GRM8: variants seen among roughly 807,000 people sequenced by gnomAD.
GRM8 encodes the protein metabotropic glutamate receptor 8.
A neutral mutation model predicts 87.2 loss-of-function variants in GRM8; 47 were observed. That is an observed-to-expected ratio of 0.54 (90% CI 0.43 to 0.69). GRM8 has a LOEUF of 0.69. Among genes scored for constraint, GRM8 ranks in the 30% least tolerant of loss-of-function variants. GRM8 has a pLI of 0.00. For synonymous variants in GRM8, 396 were observed against 404.5 expected (o/e 0.98, Z 0.25); for missense variants, 1,019 against 1,139.2 (o/e 0.89, Z 1.52).
chr7:127,182,695 A>G (rs1430093265), intron 2 of GRM8, among the ~76,000 whole-genome samples: 7 of 149,884 alleles, frequency 4.7e-5, no homozygotes, highest in African/African-American at 1.5e-4. Context: ...AGACAGATAT[A>G]TGATGGAATA....
At chr7:126,816,732 T>TTGTG (rs3038866) in intron 6 of GRM8, among the ~76,000 whole-genome samples, 2,499 of 145,918 alleles carry the variant, frequency 0.017, 55 homozygotes, top group African/African-American at 0.043. Context: ...GTATATGATT[T>TTGTG]TGTGTGTGTG....
chr7:126,783,173 T>C (rs1201678469), intron 6 of GRM8, among the ~76,000 whole-genome samples: 1 of 152,182 alleles, frequency 6.6e-6, no homozygotes, highest in East Asian at 1.9e-4. Context: ...TTCCAGGTAT[T>C]ATTTTCTCCC....
chr7:126,858,048 C>G (rs992977351), intron 6 of GRM8, among the ~76,000 whole-genome samples: 1 of 152,142 alleles, frequency 6.6e-6, no homozygotes, highest in Admixed American at 6.5e-5. Flanking sequence ...CTGAGCCTTC[C>G]TAGTCTTCCT....
intron 7 of GRM8, among the ~76,000 whole-genome samples, chr7:126,729,966 A>G (rs891744490): frequency 3.9e-5 from 6 of 152,192 alleles, no homozygotes; most frequent in African/African-American, 1.4e-4. Flanking sequence ...AAGCTAAGAT[A>G]ATAGAAATAT....
chr7:126,824,030 A>C (rs1334159908), intron 6 of GRM8, among the ~76,000 whole-genome samples: 2 of 152,228 alleles, frequency 1.3e-5, no homozygotes, highest in Non-Finnish European at 2.9e-5. Context: ...TTTGCATAAA[A>C]ATAACACTTT....
At chr7:126,893,977 T>C (rs146772167) in intron 6 of GRM8, among the ~76,000 whole-genome samples, 1,685 of 152,126 alleles carry the variant, frequency 0.011, 16 homozygotes, top group East Asian at 0.042. Flanking sequence ...ATCATATCTA[T>C]GAGACTCTCT....
intron 2 of GRM8, among the ~76,000 whole-genome samples, chr7:127,144,238 CAT>C (rs1373996842): frequency 6.6e-6 from 1 of 152,050 alleles, no homozygotes; most frequent in Non-Finnish European, 1.5e-5. Context: ...ACATTAAAGT[CAT>C]AAAGTTTATC....
chr7:126,953,006 G>A (rs1343617537), intron 3 of GRM8, among the ~76,000 whole-genome samples: 1 of 152,042 alleles, frequency 6.6e-6, no homozygotes, highest in Admixed American at 6.6e-5. Flanking sequence ...TTGCACTCCA[G>A]TTAAGATTTT....
chr7:126,627,065 G>A (rs562818362), intron 7 of GRM8, among the ~76,000 whole-genome samples: 1 of 152,136 alleles, frequency 6.6e-6, no homozygotes, highest in Admixed American at 6.5e-5. Context: ...TCTTTTCATA[G>A]CACCTAACCA....
At chr7:126,541,305 A>C (rs193254536) in intron 8 of GRM8, among the ~76,000 whole-genome samples, 8 of 152,312 alleles carry the variant, frequency 5.3e-5, no homozygotes, top group African/African-American at 1.9e-4. Context: ...CAGGCAAAAA[A>C]CAAAATTACT....
At chr7:127,149,759 G>A (rs1029363962) in intron 2 of GRM8, among the ~76,000 whole-genome samples, 1 of 151,930 alleles carries the variant, frequency 6.6e-6, no homozygotes, top group East Asian at 1.9e-4. Context: ...TACTTGCCAC[G>A]ACATGGATGG....
At chr7:126,441,832 G>C (rs910373752) in intron 10 of GRM8, among the ~76,000 whole-genome samples, 4 of 151,824 alleles carry the variant, frequency 2.6e-5, no homozygotes, top group African/African-American at 9.7e-5. Flanking sequence ...TTTTTTCATT[G>C]TTGTTATTTT....
intron 6 of GRM8, among the ~76,000 whole-genome samples, chr7:126,800,073 A>G (rs1024470296): frequency 2.0e-5 from 3 of 152,154 alleles, no homozygotes. Flanking sequence ...TTTTTCAAGT[A>G]TGATGACATG....
At position 126,519,873 on chromosome 7, in the gene GRM8, G is replaced by GA. The variant is rs549324991; in HGVS notation, c.2430+13078dup. 6.6e-5 allele frequency among the ~76,000 whole-genome samples: 10 copies of GA among 152,060 alleles called. No homozygotes were observed. The South Asian group carries it at 1.9e-3, about 28-fold the overall frequency. ...GAGATTTGACCTTGGAAGTGAGAAGGAAAAAAATAGATCTAGGAGAAATTT... is the reference window on the plus strand; with the variant it reads ...GAGATTTGACCTTGGAAGTGAGAAGGAAAAAAAATAGATCTAGGAGAAATTT... On this transcript the variant is annotated intron_variant, in intron 9 of 10. Transcript: ENST00000339582.
chr7:127,233,530 C>A (rs1366446379), intron 2 of GRM8, among the ~76,000 whole-genome samples: 1 of 152,140 alleles, frequency 6.6e-6, no homozygotes. Context: ...CTAGTCAAAG[C>A]TAGAGGTCAC....
rs1055077358 is a variant in GRM8, at chr7:127,212,660, G to A, written c.510+30035C>T. On this transcript the variant is annotated intron_variant, in intron 2 of 10. Coordinates refer to ENST00000339582, the MANE Select transcript of GRM8 (RefSeq NM_000845.3). ...TCTCGATCTCCTGACCTCGTGATCC[G>A]CCCGCCTCGGCCTCCCAAAGTGCTG... Among the ~76,000 whole-genome samples, 18 of 151,972 alleles carry A rather than the reference G, an allele frequency of 1.2e-4. No homozygotes were observed. In the East Asian group the frequency reaches 2.5e-3, roughly 21 times the overall value.
chr7:126,519,594 A>G (rs1812678499), intron 9 of GRM8, among the ~76,000 whole-genome samples: 1 of 152,122 alleles, frequency 6.6e-6, no homozygotes, highest in African/African-American at 2.4e-5. Flanking sequence ...GTTAGTATTC[A>G]GCAGAATGAC....
chr7:127,009,470 T>C (rs1785757556), intron 3 of GRM8, among the ~76,000 whole-genome samples: 1 of 152,108 alleles, frequency 6.6e-6, no homozygotes, highest in East Asian at 1.9e-4. Context: ...GCATTAATGA[T>C]ACAGAAAGTA....
chr7:127,221,165 C>T (rs1796903410), intron 2 of GRM8, among the ~76,000 whole-genome samples: 1 of 152,236 alleles, frequency 6.6e-6, no homozygotes, highest in Admixed American at 6.5e-5. Flanking sequence ...CTGAGTCAAA[C>T]AGGCCTTAAA....
Sources: allele counts gnomAD v4.1 joint callset (sites outside exome capture counted in the v4.1 genomes callset), GRCh38; gene constraint gnomAD v4.1.1; transcripts MANE v1.5; gene names NCBI Gene and HGNC (gene_info 2026-07-23, HGNC 2026-07-21).